Variants in ANO4 observed in about 807,000 individuals in gnomAD.
The protein encoded by ANO4 is anoctamin-4.
ANO4 carries 69 observed loss-of-function variants against 141.9 expected under a neutral mutation model. The observed-to-expected ratio is 0.49, with a 90% CI of 0.40 to 0.59. The LOEUF (loss-of-function observed/expected upper bound fraction) is 0.59, where lower values mean the gene tolerates loss of function less well. Among genes scored for constraint, ANO4 ranks in the 20% least tolerant of loss-of-function variants. The pLI is 0.00. For missense variants in ANO4, 894 were observed against 1,162.2 expected (o/e 0.77, Z 3.36); for synonymous variants, 350 against 394.3 (o/e 0.89, Z 1.33).
intron 3 of ANO4, among the ~76,000 whole-genome samples, chr12:100,752,335 C>T (rs545076914): frequency 1.3e-5 from 2 of 152,196 alleles, no homozygotes; most frequent in East Asian, 3.9e-4. Context: ...ACTACTACTA[C>T]TACTTCTCCA....
At chr12:101,053,307 A>G (rs1263510404) in intron 14 of ANO4, among the ~76,000 whole-genome samples, 2 of 152,236 alleles carry the variant, frequency 1.3e-5, no homozygotes, top group African/African-American at 4.8e-5. Flanking sequence ...TGACAAGAGT[A>G]TTTGTAAAGC....
chr12:101,037,780 G>T lies in ANO4; in HGVS notation c.897+630G>T, dbSNP rs183298659. On this transcript the variant is annotated intron_variant, in intron 10 of 27. Transcript: ENST00000392977. The stretch of plus-strand genomic sequence containing the variant: ...GAACATAATCCCTCATGATTATTGA[G>T]AAATTATTGTCATTTTCATGGTGTG... Among the ~76,000 whole-genome samples the T allele has an allele frequency of 2.3e-4, 35 of 152,270 alleles. 2 individuals are homozygous for T. The highest frequency in any genetic ancestry group is 2.2e-3 in the Admixed American group (33 of 15,304).
At chr12:100,733,681 G>C (rs2031484313) in intron 1 of ANO4, 1 of 621,408 alleles carries the variant, frequency 1.6e-6, no homozygotes. Context: ...GACAAGGAGA[G>C]CTGGTTTATT....
At chr12:100,918,980 T>A (rs1006621890) in intron 2 of ANO4, among the ~76,000 whole-genome samples, 4 of 152,094 alleles carry the variant, frequency 2.6e-5, no homozygotes, top group Non-Finnish European at 4.4e-5. Flanking sequence ...TAGGCTAATG[T>A]GTGTGTTTGT....
At chr12:100,958,177 C>G (rs1398944962) in intron 5 of ANO4, among the ~76,000 whole-genome samples, 1 of 152,172 alleles carries the variant, frequency 6.6e-6, no homozygotes, top group Admixed American at 6.5e-5. Flanking sequence ...TCATGCCCAC[C>G]CCTGAGTGAT....
At chr12:100,836,414 C>T (rs899783262) in intron 1 of ANO4, among the ~76,000 whole-genome samples, 2 of 151,982 alleles carry the variant, frequency 1.3e-5, no homozygotes, top group Non-Finnish European at 2.9e-5. Context: ...CATATGTATA[C>T]ATGTGCCATG....
intron 8 of ANO4, among the ~76,000 whole-genome samples, chr12:100,999,683 A>C (rs1157591890): frequency 3.3e-5 from 5 of 152,128 alleles, no homozygotes; most frequent in Non-Finnish European, 2.9e-5. Flanking sequence ...AAAAAGAAGG[A>C]AAGAAAAGAG....
At chr12:100,785,109 A>G (rs1004110992) in intron 3 of ANO4, among the ~76,000 whole-genome samples, 1 of 152,292 alleles carries the variant, frequency 6.6e-6, no homozygotes. Context: ...TTCTAGGTTT[A>G]CAGCATAGTT....
Position 101,068,216 on chromosome 12 carries a change from G to A in ANO4, c.1313-10977G>A, listed in dbSNP as rs2048671032. On this transcript the variant is annotated intron_variant, in intron 14 of 27. Coordinates refer to ENST00000392977, the MANE Select transcript of ANO4 (RefSeq NM_001286615.2). ...GGTTGTCTCCTGTGGACCAGCAAGA[G>A]TAGAACGAGGCACCAGCTAGAAAAC... is the stretch of plus-strand genomic sequence containing the variant. 3 of 1,353,522 alleles carry A rather than the reference G, an allele frequency of 2.2e-6. No homozygotes were observed. In the East Asian group the frequency reaches 8.2e-5, roughly 37 times the overall value. 83.8% of individuals were successfully genotyped at this position (1,353,522 alleles called of 1,614,324 possible).
intron 8 of ANO4, 66 bp from the exon 9 acceptor site, chr12:101,019,968 A>G (rs1006159398): frequency 1.8e-5 from 24 of 1,352,622 alleles, no homozygotes; most frequent in African/African-American, 2.9e-5. Context: ...ACACCAAATT[A>G]TAACAAAAAT....
upstream of ANO4, among the ~76,000 whole-genome samples, chr12:100,792,966 G>A (rs137892354): frequency 1.6e-4 from 24 of 152,234 alleles, no homozygotes; most frequent in African/African-American, 4.6e-4. Flanking sequence ...GAATGGCTTC[G>A]GTTATGACAA....
chr12:100,893,255 A>G (rs753672002), intron 1 of ANO4, among the ~76,000 whole-genome samples: 2 of 149,886 alleles, frequency 1.3e-5, no homozygotes, highest in Non-Finnish European at 3.0e-5. Flanking sequence ...TTTTTTTTTC[A>G]TGAACTCACT....
At chr12:100,873,545 G>A (rs821864) in intron 1 of ANO4, among the ~76,000 whole-genome samples, 90,239 of 151,924 alleles carry the variant, frequency 0.59, 26,984 homozygotes, top group Middle Eastern at 0.69. Context: ...TTTAAGAGTG[G>A]TGATTTAGGG....
rs1396351476 is a variant in ANO4, at chr12:100,855,044, A to C, written c.-140-46602A>C. On this transcript the variant is annotated intron_variant, in intron 1 of 27. Coordinates refer to ENST00000392977, the MANE Select transcript of ANO4 (RefSeq NM_001286615.2). ...TTATGGCCCAAACCCCTAAGTTCTA[A>C]AGTCTAAATCTAAAGTCCATTTGAA... 2.0e-5 allele frequency among the ~76,000 whole-genome samples: 3 copies of C among 152,028 alleles called. No individual in the cohort carries two copies. In the East Asian group the frequency reaches 5.8e-4, roughly 29 times the overall value.
chr12:101,127,703 T>C (rs576145620), intron 27 of ANO4, among the ~76,000 whole-genome samples, 158 bp from the exon 28 acceptor site: 1 of 152,368 alleles, frequency 6.6e-6, no homozygotes, highest in Non-Finnish European at 1.5e-5. Flanking sequence ...TGTTCACCCA[T>C]AAAGCAAGCA....
At chr12:100,827,069 T>C (rs1439763657) in intron 1 of ANO4, among the ~76,000 whole-genome samples, 2 of 152,038 alleles carry the variant, frequency 1.3e-5, no homozygotes, top group East Asian at 3.9e-4. Context: ...AGAGTAGTCT[T>C]GTAAAACATG....
At chr12:100,914,611 G>A (rs1237788905) in intron 2 of ANO4, among the ~76,000 whole-genome samples, 1 of 152,114 alleles carries the variant, frequency 6.6e-6, no homozygotes, top group Non-Finnish European at 1.5e-5. Flanking sequence ...ATTTTGGTAA[G>A]TGCTACAAAT....
At chr12:100,901,885 C>T in intron 2 of ANO4, 45 bp downstream of exon 2, 2 of 1,484,642 alleles carry the variant, frequency 1.3e-6, no homozygotes, top group Admixed American at 2.2e-5. Context: ...CAGTAGCAAC[C>T]TGACCACAGT....
At chr12:101,003,638 A>T (rs566920945) in intron 8 of ANO4, among the ~76,000 whole-genome samples, 28 of 152,266 alleles carry the variant, frequency 1.8e-4, no homozygotes, top group African/African-American at 5.5e-4. Flanking sequence ...GGCTCAGATG[A>T]TGTCTCATAC....
Sources: gnomAD v4.1 joint callset for allele counts (sites outside exome capture counted in the v4.1 genomes callset) on GRCh38, gnomAD v4.1.1 for gene constraint, MANE v1.5 for transcripts, NCBI Gene and HGNC (gene_info 2026-07-23, HGNC 2026-07-21) for gene names.